The following RIPK4 variants were observed in gnomAD, a reference collection of about 807,000 sequenced individuals.
The protein encoded by RIPK4 is receptor-interacting serine/threonine-protein kinase 4.
In RIPK4, 17 loss-of-function variants were observed where a neutral mutation model predicts 42.9. That is an observed-to-expected ratio of 0.40 (90% CI 0.27 to 0.59). The LOEUF (loss-of-function observed/expected upper bound fraction) is 0.59. RIPK4 is among the 20% of genes least tolerant of loss of function. The probability of loss-of-function intolerance (pLI) is 0.47; values close to 1 mark genes in which losing one functional copy is unlikely to be tolerated. For synonymous variants in RIPK4, 498 were observed against 499.1 expected (o/e 1.00, Z 0.03); for missense variants, 897 against 1,104.4 (o/e 0.81, Z 2.66).
At chr21:41,757,309 T>C (rs563616903) in intron 1 of RIPK4, among the ~76,000 whole-genome samples, 1 of 151,782 alleles carries the variant, frequency 6.6e-6, no homozygotes, top group South Asian at 2.1e-4. Context: ...TCACCTGAGG[T>C]CAGGAGTTCG....
chr21:41,763,691 G>A (rs891137362), intron 1 of RIPK4, among the ~76,000 whole-genome samples: 2 of 152,186 alleles, frequency 1.3e-5, no homozygotes, highest in African/African-American at 4.8e-5. Flanking sequence ...GAGCCTCGGA[G>A]GGGTTCCCAC....
Position 41,756,629 on chromosome 21 carries a change from C to T in RIPK4, c.370G>A (p.Glu124Lys). The change falls in exon 2 of 8, where the codon GAG (glutamate) becomes AAG (lysine). Residue 124 changes from glutamate to lysine, a missense_variant. Glu to Lys is a moderately conservative substitution (Grantham distance 56, BLOSUM62 1). Coordinates refer to ENST00000332512, the MANE Select transcript of RIPK4 (RefSeq NM_020639.3). Reference sequence around the variant, plus strand: ...AGGAAGTTCATGCCCACCGCCGTCTCGTGGATGATTCGGAACCGGAGATCC... The same window carrying T: ...AGGAAGTTCATGCCCACCGCCGTCTTGTGGATGATTCGGAACCGGAGATCC... ...PWDLRFRIIH[E>K]TAVGMNFLHC... The T allele has an allele frequency of 8.1e-6, 13 of 1,614,004 alleles. No homozygotes were observed. Among genetic ancestry groups the T allele is most frequent in the Non-Finnish European group, 1.1e-5 (13 of 1,180,050 alleles).
chr21:41,746,386 G>C (rs1020486209), intron 5 of RIPK4, among the ~76,000 whole-genome samples: 1 of 152,262 alleles, frequency 6.6e-6, no homozygotes, highest in African/African-American at 2.4e-5. Context: ...TGGGGAGCAG[G>C]GGGCGGATGG....
chr21:41,743,240 G>A (rs1282428675), intron 7 of RIPK4, among the ~76,000 whole-genome samples: 2 of 152,176 alleles, frequency 1.3e-5, no homozygotes. Flanking sequence ...CCTGCAGCCG[G>A]CAGAAAGGAG....
intron 1 of RIPK4, among the ~76,000 whole-genome samples, chr21:41,757,977 C>T (rs1379181591): frequency 4.7e-5 from 5 of 106,288 alleles, no homozygotes; most frequent in Non-Finnish European, 7.0e-5. Flanking sequence ...CCAGCCTGGG[C>T]GACACAGAGA....
In RIPK4 at chr21:41,756,511, G is replaced by A. The variant is rs532592992; in HGVS notation, c.474+14C>T. 82 of 1,608,242 alleles carry A rather than the reference G, an allele frequency of 5.1e-5. No individual in the cohort carries two copies. In the East Asian group the frequency reaches 6.0e-4, roughly 12 times the overall value. Reference sequence around the variant, plus strand: ...TCCCTGCCCAGCTCTCTCGGGCACCGTGCGGCCCCCCACCTTGACGTGGTA... The same window carrying A: ...TCCCTGCCCAGCTCTCTCGGGCACCATGCGGCCCCCCACCTTGACGTGGTA... On this transcript the variant is annotated intron_variant, in intron 2 of 7. Coordinates refer to ENST00000332512, the MANE Select transcript of RIPK4 (RefSeq NM_020639.3).
At chr21:41,746,061 A>C in intron 5 of RIPK4, 199 bp from the exon 6 acceptor site, 1 of 714,946 alleles carries the variant, frequency 1.4e-6, no homozygotes, top group Non-Finnish European at 2.6e-6. Context: ...AATCATTTGA[A>C]GGCCTCACCA....
rs115625787 is a variant in RIPK4 at position 41,752,565 on chromosome 21, G to A, written c.475-1320C>T. Among the ~76,000 whole-genome samples the A allele has an allele frequency of 5.0e-3, 758 of 152,252 alleles. 6 individuals are homozygous for A. The highest frequency in any genetic ancestry group is 0.017 in the African/African-American group (721 of 41,534). On this transcript the variant is annotated intron_variant, in intron 2 of 7. Coordinates refer to ENST00000332512, the MANE Select transcript of RIPK4 (RefSeq NM_020639.3). Reference sequence around the variant, plus strand: ...CTCCCAGGGCCTTCAGGCCTGCACCGCCCTTGAGAGCCACACTCTGCACTC... The same window carrying A: ...CTCCCAGGGCCTTCAGGCCTGCACCACCCTTGAGAGCCACACTCTGCACTC...
Position 41,751,719 on chromosome 21 carries a change from G to A in RIPK4, c.475-474C>T, listed in dbSNP as rs776437914. On this transcript the variant is annotated intron_variant, in intron 2 of 7. Coordinates refer to ENST00000332512, the MANE Select transcript of RIPK4 (RefSeq NM_020639.3). The surrounding 1 kb of genome is among the most constrained non-coding windows in gnomAD (Gnocchi z 4.5). ...GCCAGCTGGGGAGGCTGGCGGGCAA[G>A]TGGCTGCAAGTCCTTTAAAGGGAAA... Among the ~76,000 whole-genome samples the A allele has an allele frequency of 2.6e-5, 4 of 152,226 alleles. No homozygotes were observed. Among genetic ancestry groups the A allele is most frequent in the Non-Finnish European group, 5.9e-5 (4 of 68,042 alleles).
At chr21:41,745,898 A>G in intron 5 of RIPK4, 36 bp from the exon 6 acceptor site, 1 of 1,511,630 alleles carries the variant, frequency 6.6e-7, no homozygotes, top group African/African-American at 1.4e-5. Flanking sequence ...CACTCGGATG[A>G]TGACTTCTGC....
At chr21:41,747,712 C>CA (rs1022807131) in intron 4 of RIPK4, among the ~76,000 whole-genome samples, 2 of 152,198 alleles carry the variant, frequency 1.3e-5, no homozygotes, top group African/African-American at 2.4e-5. Flanking sequence ...ATTCAGACTT[C>CA]AAAACCAACA....
At chr21:41,743,041 T>C (rs1358944111) in intron 7 of RIPK4, among the ~76,000 whole-genome samples, 1 of 152,190 alleles carries the variant, frequency 6.6e-6, no homozygotes, top group Non-Finnish European at 1.5e-5. Context: ...CCGGGAAGTC[T>C]GTAAGATCCA....
chr21:41,761,716 C>G (rs952264743), intron 1 of RIPK4, among the ~76,000 whole-genome samples: 1 of 152,248 alleles, frequency 6.6e-6, no homozygotes, highest in Non-Finnish European at 1.5e-5. Context: ...TGATAATAAA[C>G]ACGTATTCTG....
chr21:41,744,160 G>T lies in RIPK4; in HGVS notation c.937-20C>A. The T allele has an allele frequency of 1.3e-6, 2 of 1,560,476 alleles. No homozygotes were observed. The highest frequency in any genetic ancestry group is 1.7e-6 in the Non-Finnish European group (2 of 1,152,318). Reference sequence around the variant, plus strand: ...CACCACCTGCGAAGATGCAGAAGAGGGGGTGGGTGAAGACCCTGCCATAGA... The same window carrying T: ...CACCACCTGCGAAGATGCAGAAGAGTGGGTGGGTGAAGACCCTGCCATAGA... On this transcript the variant is annotated intron_variant, in intron 6 of 7. Transcript: ENST00000332512.
At chr21:41,759,544 C>A (rs1226290651) in intron 1 of RIPK4, among the ~76,000 whole-genome samples, 1 of 152,148 alleles carries the variant, frequency 6.6e-6, no homozygotes, top group African/African-American at 2.4e-5. Flanking sequence ...CCAGACAATT[C>A]CCCCAGAATC....
intron 6 of RIPK4, among the ~76,000 whole-genome samples, chr21:41,744,877 C>T (rs2061166038): frequency 6.6e-6 from 1 of 152,210 alleles, no homozygotes; most frequent in African/African-American, 2.4e-5. Context: ...TTTAAAGAGT[C>T]TCGCTTCATG....
intron 7 of RIPK4, among the ~76,000 whole-genome samples, chr21:41,743,060 C>T (rs888656936): frequency 1.3e-5 from 2 of 152,220 alleles, no homozygotes; most frequent in South Asian, 2.1e-4. Context: ...CAGGAAAAGT[C>T]TTTGCCTCCA....
Position 41,740,575 on chromosome 21 carries a change from A to G in RIPK4, c.*263T>C, listed in dbSNP as rs1424527520. The G allele has an allele frequency of 4.1e-6, 2 of 492,272 alleles. No homozygotes were observed. The highest frequency in any genetic ancestry group is 7.2e-6 in the Non-Finnish European group (2 of 278,628). 30.5% of individuals were successfully genotyped at this position (492,272 alleles called of 1,614,324 possible). On this transcript the variant is annotated 3_prime_UTR_variant, in exon 8 of 8. Transcript: ENST00000332512. ...GCCTCAGCGACCCATTAGGAGCACA[A>G]CGAAATGATTCTGACCCACGGTCCC...
intron 1 of RIPK4, 75 bp downstream of exon 1, chr21:41,766,785 C>A: frequency 2.7e-6 from 4 of 1,463,818 alleles, no homozygotes; most frequent in Non-Finnish European, 3.7e-6. Flanking sequence ...GAGGCAGGAC[C>A]CCGGGACCAG....
Sources: gnomAD v4.1 joint callset for allele counts (sites outside exome capture counted in the v4.1 genomes callset) on GRCh38, gnomAD v4.1.1 for gene constraint, Gnocchi (gnomAD v3.1) non-coding constraint, MANE v1.5 for transcripts, NCBI Gene and HGNC (gene_info 2026-07-23, HGNC 2026-07-21) for gene names.